SHISA6: variants seen among roughly 807,000 people sequenced by gnomAD.
The protein encoded by SHISA6 is protein shisa-6.
A neutral mutation model predicts 47.9 loss-of-function variants in SHISA6; 22 were observed. The ratio of observed to expected loss-of-function variants is 0.46; its 90% CI spans 0.33 to 0.66. The LOEUF (loss-of-function observed/expected upper bound fraction) is 0.66. Ranked by LOEUF, SHISA6 falls within the 30% of genes least tolerant of loss-of-function variation. The pLI is 0.02. For missense variants in SHISA6, 680 were observed against 764.6 expected (o/e 0.89, Z 1.30); for synonymous variants, 388 against 337.8 (o/e 1.15, Z -1.63).
chr17:11,274,598 G>A (rs1305659823), intron 2 of SHISA6, among the ~76,000 whole-genome samples: 2 of 152,116 alleles, frequency 1.3e-5, no homozygotes, highest in Non-Finnish European at 2.9e-5. Context: ...CTTAATGTCC[G>A]TTGCCTACAG....
intron 3 of SHISA6, among the ~76,000 whole-genome samples, chr17:11,523,994 T>G (rs1367467599): frequency 1.6e-5 from 2 of 122,062 alleles, no homozygotes; most frequent in East Asian, 4.5e-4. Flanking sequence ...GCAACAAGAG[T>G]GAAACTCGGT....
chr17:11,405,622 T>G (rs1229148543), intron 3 of SHISA6, among the ~76,000 whole-genome samples: 1 of 151,988 alleles, frequency 6.6e-6, no homozygotes, highest in Non-Finnish European at 1.5e-5. Context: ...GCCAACATGG[T>G]GAAACCCTGT....
intron 3 of SHISA6, among the ~76,000 whole-genome samples, chr17:11,524,745 C>T (rs956899641): frequency 2.0e-5 from 3 of 152,142 alleles, no homozygotes; most frequent in South Asian, 4.1e-4. Context: ...GTGATCCACC[C>T]GCCTTGGCCT....
intron 2 of SHISA6, among the ~76,000 whole-genome samples, chr17:11,316,982 T>C (rs8077807): frequency 0.74 from 113,041 of 152,084 alleles, 42,188 homozygotes; most frequent in Middle Eastern, 0.78. Context: ...TACTCACTAA[T>C]ATGTATTTTA....
intron 2 of SHISA6, among the ~76,000 whole-genome samples, chr17:11,295,112 A>C (rs183999836): frequency 2.7e-4 from 41 of 152,230 alleles, no homozygotes; most frequent in Non-Finnish European, 4.3e-4. Context: ...AGATTTCATC[A>C]AGCTACTCAG....
chr17:11,555,664 CA>C, intron 4 of SHISA6, 75 bp from the exon 5 acceptor site: 3 of 1,425,828 alleles, frequency 2.1e-6, no homozygotes, highest in South Asian at 3.0e-5. Flanking sequence ...GGATTCGAAT[CA>C]GGGGTGAGGC....
intron 2 of SHISA6, among the ~76,000 whole-genome samples, chr17:11,327,905 T>TTCTCTC (rs143614162): frequency 6.6e-6 from 1 of 151,232 alleles, no homozygotes; most frequent in Admixed American, 6.6e-5. Context: ...CAGAAGCATT[T>TTCTCTC]TCTCTCTCTC....
chr17:11,379,673 A>G (rs759905093), intron 3 of SHISA6, 164 bp downstream of exon 3: 1 of 512,016 alleles, frequency 2.0e-6, no homozygotes, highest in Non-Finnish European at 3.4e-6. Context: ...GACAGGAGTT[A>G]CTGGAGGTCA....
intron 3 of SHISA6, among the ~76,000 whole-genome samples, chr17:11,492,587 G>A (rs2071373300): frequency 6.6e-6 from 1 of 152,164 alleles, no homozygotes; most frequent in African/African-American, 2.4e-5. Flanking sequence ...ATGCATGAAA[G>A]TGTCTTACAC....
intron 2 of SHISA6, among the ~76,000 whole-genome samples, chr17:11,287,918 A>G (rs902152019): frequency 6.6e-6 from 1 of 152,310 alleles, no homozygotes; most frequent in African/African-American, 2.4e-5. Context: ...TTTCAAACAT[A>G]TATAAAAGTA....
chr17:11,451,088 G>A (rs117675545), intron 3 of SHISA6, among the ~76,000 whole-genome samples: 6,835 of 151,526 alleles, frequency 0.045, 295 homozygotes, highest in Admixed American at 0.088. Context: ...GTGGGGCTTC[G>A]GGAGAAGCTG....
chr17:11,502,043 G>C (rs1237502759), intron 3 of SHISA6, among the ~76,000 whole-genome samples: 1 of 152,158 alleles, frequency 6.6e-6, no homozygotes, highest in East Asian at 1.9e-4. Flanking sequence ...AAAGAGAAAG[G>C]CTGAAATGTT....
chr17:11,392,648 C>T (rs1352659128), intron 3 of SHISA6, among the ~76,000 whole-genome samples: 3 of 152,134 alleles, frequency 2.0e-5, no homozygotes, highest in South Asian at 2.1e-4. Flanking sequence ...GAATCGTGAG[C>T]GAAATAAACC....
At chr17:11,425,383 G>GCA (rs1914582842) in intron 3 of SHISA6, among the ~76,000 whole-genome samples, 1 of 152,062 alleles carries the variant, frequency 6.6e-6, no homozygotes, top group South Asian at 2.1e-4. Context: ...GTGAGCACAG[G>GCA]CACAGACTTC....
rs566951608 is a variant in SHISA6 at position 11,326,931 on chromosome 17, G to A, written c.800-52483G>A. On this transcript the variant is annotated intron_variant, in intron 2 of 5. Transcript: ENST00000441885. ...TTCAGGGAAACTTCTAAGACAATGC[G>A]ATTCTGAAATAGCAAATGAGGTAGT... Among the ~76,000 whole-genome samples the A allele has an allele frequency of 5.1e-4, 77 of 152,268 alleles. 2 individuals carry two copies. The South Asian group carries it at 0.014, about 28-fold the overall frequency.
intron 2 of SHISA6, among the ~76,000 whole-genome samples, chr17:11,354,015 G>A (rs1453929295): frequency 6.6e-6 from 1 of 152,114 alleles, no homozygotes; most frequent in Non-Finnish European, 1.5e-5. Flanking sequence ...AAATCTTTGG[G>A]GAAGGGGAGG....
chr17:11,348,087 C>T (rs993733102), intron 2 of SHISA6, among the ~76,000 whole-genome samples: 2 of 152,158 alleles, frequency 1.3e-5, no homozygotes, highest in Non-Finnish European at 2.9e-5. Flanking sequence ...ATGGCATCAA[C>T]AGAAATATGT....
At chr17:11,253,024 G>C (rs77823849) in intron 1 of SHISA6, among the ~76,000 whole-genome samples, 3 of 152,272 alleles carry the variant, frequency 2.0e-5, no homozygotes, top group Admixed American at 2.0e-4. Flanking sequence ...TCAAGCATTC[G>C]CGAAGAAGAA....
chr17:11,550,115 C>T (rs995441562), intron 3 of SHISA6, among the ~76,000 whole-genome samples: 21 of 151,858 alleles, frequency 1.4e-4, no homozygotes, highest in Middle Eastern at 3.4e-3. Flanking sequence ...AGTGCAGTGG[C>T]GCGATCTCGG....
Sources: allele counts gnomAD v4.1 joint callset (sites outside exome capture counted in the v4.1 genomes callset), GRCh38; gene constraint gnomAD v4.1.1; transcripts MANE v1.5; gene names NCBI Gene and HGNC (gene_info 2026-07-23, HGNC 2026-07-21).